The following KATNAL2 variants were observed in gnomAD, a reference collection of about 807,000 sequenced individuals.
KATNAL2 encodes katanin catalytic subunit A1 like 2.
In KATNAL2, 52 loss-of-function variants were observed where a neutral mutation model predicts 76.3. That is an observed-to-expected ratio of 0.68 (90% confidence interval 0.55 to 0.86). The LOEUF (loss-of-function observed/expected upper bound fraction) is 0.86, where lower values mean the gene tolerates loss of function less well. Ranked by LOEUF, KATNAL2 falls within the 40% of genes least tolerant of loss-of-function variation. KATNAL2 has a pLI of 0.00. For missense variants in KATNAL2, 660 were observed against 668.9 expected (o/e 0.99, Z 0.15); for synonymous variants, 243 against 244.2 (o/e 1.00, Z 0.05).
At chr18:47,084,557 T>TGAAGTAAGTAGCCCTGC in intron 15 of KATNAL2, 1 of 601,370 alleles carries the variant, frequency 1.7e-6, no homozygotes, top group East Asian at 2.8e-5. Flanking sequence ...GTCTTTAAAA[T>TGAAGTAAGTAGCCCTGC]ACGACTGTGG....
At chr18:47,051,714 C>A (rs2061345606) in intron 4 of KATNAL2, among the ~76,000 whole-genome samples, 1 of 152,148 alleles carries the variant, frequency 6.6e-6, no homozygotes, top group African/African-American at 2.4e-5. Context: ...TTAAAATTAG[C>A]TTAGGAGAGA....
rs535245795 is a variant in KATNAL2 at position 47,059,965 on chromosome 18, C to T, written c.549+311C>T. 1.9e-4 allele frequency among the ~76,000 whole-genome samples: 29 copies of T among 150,990 alleles called. No homozygotes were observed. In the South Asian group the frequency reaches 6.1e-3, roughly 32 times the overall value. On this transcript the variant is annotated intron_variant, in intron 8 of 17. Coordinates refer to ENST00000683218, the MANE Select transcript of KATNAL2 (RefSeq NM_001387690.1). ...AAAATTCTGTAATAACAATGACAAACATTGGCATGATCATCCTGCATCGTT... is the reference window on the plus strand; with the variant it reads ...AAAATTCTGTAATAACAATGACAAATATTGGCATGATCATCCTGCATCGTT...
chr18:46,950,242 A>G (rs1466843208), intron 3 of KATNAL2, among the ~76,000 whole-genome samples: 1 of 152,184 alleles, frequency 6.6e-6, no homozygotes, highest in Non-Finnish European at 1.5e-5. Flanking sequence ...TTTTTGTTTT[A>G]GTCCCTAGAT....
chr18:47,099,236 A>C lies in KATNAL2; in HGVS notation c.1212-7A>C, dbSNP rs375687252. 6.2e-7 allele frequency: 1 copy of C among 1,604,552 alleles called. No individual in the cohort carries two copies. Among genetic ancestry groups the C allele is most frequent in the East Asian group, 2.2e-5 (1 of 44,730 alleles). ...CCTGTCCAGCTCCATTTCTGGTGTGATTTCAGGGAGCTGGACTGTGCCATG... is the reference window on the plus strand; with the variant it reads ...CCTGTCCAGCTCCATTTCTGGTGTGCTTTCAGGGAGCTGGACTGTGCCATG... On this transcript the variant is annotated splice_region_variant and splice_polypyrimidine_tract_variant and intron_variant, in intron 15 of 17. Transcript: ENST00000683218.
At chr18:47,049,840 G>A (rs1175457370) in intron 4 of KATNAL2, among the ~76,000 whole-genome samples, 1 of 152,112 alleles carries the variant, frequency 6.6e-6, no homozygotes, top group Non-Finnish European at 1.5e-5. Flanking sequence ...TCAACCTCCT[G>A]TGTAGCTGAA....
chr18:47,034,567 T>A, intron 3 of KATNAL2: 1 of 1,614,182 alleles, frequency 6.2e-7, no homozygotes, highest in South Asian at 1.1e-5. Flanking sequence ...GGGGCGTTTT[T>A]CCTGGCGAGA....
intron 15 of KATNAL2, chr18:47,084,264 A>G: frequency 1.4e-6 from 1 of 691,252 alleles, no homozygotes. Flanking sequence ...TGCTGGTGTA[A>G]CATTGCTATA....
intron 3 of KATNAL2, among the ~76,000 whole-genome samples, chr18:46,953,464 C>T (rs576914380): frequency 6.6e-5 from 10 of 152,284 alleles, no homozygotes; most frequent in Admixed American, 1.3e-4. Context: ...CGTGATGAAA[C>T]CCTGTGTCTA....
At chr18:46,959,660 G>A (rs1031126898) in intron 3 of KATNAL2, among the ~76,000 whole-genome samples, 14 of 152,128 alleles carry the variant, frequency 9.2e-5, no homozygotes, top group Admixed American at 6.5e-5. Flanking sequence ...TGCAACCTCC[G>A]CCTCCCAGGT....
chr18:47,089,302 G>A (rs183339259), intron 15 of KATNAL2, among the ~76,000 whole-genome samples: 1 of 152,222 alleles, frequency 6.6e-6, no homozygotes, highest in African/African-American at 2.4e-5. Context: ...GCTTTTTAAG[G>A]GACTGTATAA....
At chr18:47,031,293 C>G (rs1276348580) in intron 3 of KATNAL2, among the ~76,000 whole-genome samples, 1 of 152,014 alleles carries the variant, frequency 6.6e-6, no homozygotes, top group Non-Finnish European at 1.5e-5. Flanking sequence ...CCACTCTTAC[C>G]TTTCAGTCCG....
At chr18:47,048,624 A>G (rs910958722) in intron 4 of KATNAL2, among the ~76,000 whole-genome samples, 1 of 152,152 alleles carries the variant, frequency 6.6e-6, no homozygotes, top group Non-Finnish European at 1.5e-5. Context: ...CATCTGGGCT[A>G]TAAGAGCATT....
At position 47,053,208 on chromosome 18, in the gene KATNAL2, A is replaced by G. The variant is rs569196224; in HGVS notation, c.289+162A>G. On this transcript the variant is annotated intron_variant, in intron 5 of 17. Transcript: ENST00000683218. ...CATATCCAGCACAGACAACTGAAAT[A>G]TGATTACCTGGACACTGATATCCCT... 1.2e-4 allele frequency among the ~76,000 whole-genome samples: 18 copies of G among 152,346 alleles called. No individual in the cohort carries two copies. The South Asian group carries it at 3.3e-3, about 28-fold the overall frequency.
chr18:47,058,288 G>T lies in KATNAL2; in HGVS notation c.386G>T (p.Arg129Leu). 1 of 1,614,008 alleles carries T rather than the reference G, an allele frequency of 6.2e-7. No homozygotes were observed. The highest frequency in any genetic ancestry group is 2.2e-5 in the East Asian group (1 of 44,862). ...CCCAAGATCAATCAGCAGAGGCCCC[G>T]GTCCAAAACCACAGCGGGGAAGACA... ...NLPKINQQRP[R>L]SKTTAGKTGD... The change falls in exon 7 of 18, where the codon CGG becomes CTG. Residue 129 changes from arginine (R) to leucine (L), a missense_variant. Transcript: ENST00000683218.
intron 5 of KATNAL2, 31 bp from the exon 6 acceptor site, chr18:47,054,365 T>C (rs1569086555): frequency 2.5e-6 from 4 of 1,589,818 alleles, no homozygotes; most frequent in Non-Finnish European, 3.5e-6. Context: ...AAAATTATTT[T>C]CTTTCCCTCC....
chr18:47,032,984 T>C (rs763066315), intron 3 of KATNAL2: 5 of 1,613,934 alleles, frequency 3.1e-6, no homozygotes, highest in Non-Finnish European at 3.4e-6. Flanking sequence ...AGATTTTATC[T>C]GCAAGGCAAG....
intron 10 of KATNAL2, among the ~76,000 whole-genome samples, chr18:47,065,052 G>C (rs942489626): frequency 6.6e-6 from 1 of 152,164 alleles, no homozygotes; most frequent in African/African-American, 2.4e-5. Flanking sequence ...TGGCTGGTGG[G>C]CCTGCATGTA....
intron 1 of KATNAL2, among the ~76,000 whole-genome samples, chr18:46,931,620 T>G (rs1294123798): frequency 6.7e-6 from 1 of 148,916 alleles, no homozygotes; most frequent in East Asian, 2.0e-4. Context: ...ACCATTGCAC[T>G]CCGGCCTGGA....
chr18:47,043,226 C>CAAAAAAAAAAA (rs1195140135), intron 3 of KATNAL2, among the ~76,000 whole-genome samples: 1 of 41,688 alleles, frequency 2.4e-5, no homozygotes, highest in African/African-American at 1.1e-4. Context: ...GACTCCGTTT[C>CAAAAAAAAAAA]AAAAAAAAAA....
Sources: gnomAD v4.1 joint callset for allele counts (sites outside exome capture counted in the v4.1 genomes callset) on GRCh38, gnomAD v4.1.1 for gene constraint, MANE v1.5 for transcripts, NCBI Gene and HGNC (gene_info 2026-07-23, HGNC 2026-07-21) for gene names.